Variants in KANK4 observed in about 807,000 individuals in gnomAD.
KANK4 encodes KN motif and ankyrin repeat domains 4, also known as KN motif and ankyrin repeat domain-containing protein 4.
KANK4 carries 50 observed loss-of-function variants against 80.8 expected under a neutral mutation model. The ratio of observed to expected loss-of-function variants is 0.62; its 90% CI spans 0.49 to 0.78. The LOEUF (loss-of-function observed/expected upper bound fraction) is 0.78. Ranked by LOEUF, KANK4 falls within the 30% of genes least tolerant of loss-of-function variation. The pLI is 0.00. For synonymous variants in KANK4, 465 were observed against 506.9 expected, an observed-to-expected ratio of 0.92 and a Z score of 1.11; for missense variants, 1,196 against 1,240.1, an observed-to-expected ratio of 0.96 and a Z score of 0.53.
intron 3 of KANK4, chr1:62,272,013 G>A (rs1672174845): frequency 5.9e-6 from 1 of 170,112 alleles, no homozygotes; most frequent in African/African-American, 2.4e-5. Flanking sequence ...CACTAGGGTT[G>A]TGGGGGTGGT....
chr1:62,283,563 G>A (rs1270083918), intron 1 of KANK4, among the ~76,000 whole-genome samples: 3 of 152,164 alleles, frequency 2.0e-5, no homozygotes, highest in African/African-American at 7.2e-5. Context: ...AATTCCCCCT[G>A]TGAGGGGAAA....
chr1:62,247,195 A>T (rs1671486218), intron 9 of KANK4, among the ~76,000 whole-genome samples: 1 of 151,742 alleles, frequency 6.6e-6, no homozygotes, highest in African/African-American at 2.4e-5. Flanking sequence ...TGAGCCTCTT[A>T]TTTAAATCCC....
intron 8 of KANK4, among the ~76,000 whole-genome samples, chr1:62,251,922 G>A (rs1671629907): frequency 6.6e-6 from 1 of 151,378 alleles, no homozygotes; most frequent in Non-Finnish European, 1.5e-5. Context: ...AACCCAGGAG[G>A]TGGAGGTTGC....
rs138457429 is a variant in KANK4, at chr1:62,283,703, C to T, written c.-70-2069G>A. On this transcript the variant is annotated intron_variant, in intron 1 of 9. Coordinates refer to ENST00000371153, the MANE Select transcript of KANK4 (RefSeq NM_181712.5). ...CTCTGCTTCTCCAAGGCTGGAGAAG[C>T]TCCTACTGCAGAGGAGGGGGCCACT... is the stretch of plus-strand genomic sequence containing the variant. Among the ~76,000 whole-genome samples the T allele has an allele frequency of 1.0e-3, 156 of 152,296 alleles. 1 individual carries two copies. The highest frequency in any genetic ancestry group is 3.6e-3 in the African/African-American group (148 of 41,548).
At chr1:62,266,628 C>T in intron 6 of KANK4, 104 bp downstream of exon 6, 1 of 750,932 alleles carries the variant, frequency 1.3e-6, no homozygotes, top group South Asian at 1.6e-5. Flanking sequence ...CACACTCACA[C>T]CACTGCCTGC....
intron 1 of KANK4, among the ~76,000 whole-genome samples, chr1:62,301,734 A>G (rs1260327625): frequency 6.6e-6 from 1 of 152,068 alleles, no homozygotes; most frequent in African/African-American, 2.4e-5. Flanking sequence ...ACACAGATGA[A>G]TTGGGATGAG....
rs1557486594 is a variant in KANK4 at position 62,271,500 on chromosome 1, G to C, written c.1990C>G (p.Gln664Glu). ...AGGNGTKKNL[Q>E]FVGVNGGYET... is the part of the protein sequence containing the mutation. ...TACCCACCGTTAACCCCAACAAACT[G>C]AAGGTTCTTTTTGGTCCCATTACCT... Residue 664 changes from glutamine (Q) to glutamate (E), a missense_variant, in exon 4 of 10, where the codon CAG (glutamine) becomes GAG (glutamate). Around this residue, in one of 3 missense-constraint regions of KANK4, gnomAD observed 1,154 missense variants for 1,179.6 expected, o/e 0.98. Coordinates refer to ENST00000371153, the MANE Select transcript of KANK4 (RefSeq NM_181712.5). 6.2e-7 allele frequency: 1 copy of C among 1,613,588 alleles called. No homozygotes were observed. Among genetic ancestry groups the C allele is most frequent in the Non-Finnish European group, 8.5e-7 (1 of 1,179,492 alleles).
rs760290798 is a variant in KANK4 at position 62,271,481 on chromosome 1, C to A, written c.2009G>T (p.Gly670Val). Residue 670 changes from glycine (G) to valine (V), a missense_variant, in exon 4 of 10, where the codon GGT (glycine) becomes GTT (valine). Transcript: ENST00000371153. ...GAGCTTCACAAGCGATGCTTACCCA[C>A]CGTTAACCCCAACAAACTGAAGGTT... ...KKNLQFVGVN[G>V]GYETTSSEET... The A allele has an allele frequency of 6.2e-7, 1 of 1,607,970 alleles. No homozygotes were observed.
chr1:62,236,527 A>T lies in KANK4; in HGVS notation c.*1750T>A, dbSNP rs1034260633. On this transcript the variant is annotated 3_prime_UTR_variant, in exon 10 of 10. Transcript: ENST00000371153. ...TCTGGGACTCTGAGCCTCTCTTATG[A>T]ATCACAATGGCAAAAGAAGTTTGCT... Among the ~76,000 whole-genome samples the T allele has an allele frequency of 6.6e-5, 10 of 151,882 alleles. No homozygotes were observed. The highest frequency in any genetic ancestry group is 6.6e-4 in the Admixed American group (10 of 15,238).
rs150895096 is a variant in KANK4, at chr1:62,266,685, C to A, written c.2319+47G>T. On this transcript the variant is annotated intron_variant, in intron 6 of 9. Coordinates refer to ENST00000371153, the MANE Select transcript of KANK4 (RefSeq NM_181712.5). ...AAAGTCACCCTGGCAGAGCTAACGT[C>A]TTAAACAGAAGGGAAATCTTTACAT... 6.0e-3 allele frequency: 8,117 copies of A among 1,342,440 alleles called. 449 individuals are homozygous for A. The Admixed American group carries it at 0.11, about 18-fold the overall frequency. The allele number at this position is 1,342,440 out of a possible 1,614,324, so 83.2% of individuals were successfully genotyped here.
chr1:62,246,179 GGTTACTATTGTTACTGATTA>G (rs1671461379), intron 9 of KANK4, among the ~76,000 whole-genome samples: 1 of 152,110 alleles, frequency 6.6e-6, no homozygotes, highest in Non-Finnish European at 1.5e-5. Flanking sequence ...CATGTGTGTT[GGTTACTATTGTTACTGATTA>G]GTTACTATTG....
At chr1:62,258,875 C>T (rs113560042) in intron 7 of KANK4, among the ~76,000 whole-genome samples, 3,019 of 152,148 alleles carry the variant, frequency 0.02, 100 homozygotes, top group African/African-American at 0.069. Flanking sequence ...ACTTGAATGA[C>T]GAGAAGGAGC....
chr1:62,297,815 C>A (rs2149164587), intron 1 of KANK4, among the ~76,000 whole-genome samples: 1 of 152,264 alleles, frequency 6.6e-6, no homozygotes, highest in East Asian at 1.9e-4. Flanking sequence ...TCCAAGGAGT[C>A]TTGAGGTGTT....
At chr1:62,301,211 T>C (rs1644409099) in intron 1 of KANK4, among the ~76,000 whole-genome samples, 1 of 152,034 alleles carries the variant, frequency 6.6e-6, no homozygotes, top group Non-Finnish European at 1.5e-5. Context: ...CTCCTGCAAT[T>C]ACCGAGTTCA....
intron 4 of KANK4, among the ~76,000 whole-genome samples, chr1:62,270,389 T>TC (rs1557485749): frequency 6.6e-6 from 1 of 151,286 alleles, no homozygotes; most frequent in African/African-American, 2.4e-5. Context: ...TGCTTTGCTT[T>TC]TTTTTTTTTT....
At chr1:62,245,828 G>C (rs1211379366) in intron 9 of KANK4, among the ~76,000 whole-genome samples, 2 of 152,150 alleles carry the variant, frequency 1.3e-5, no homozygotes, top group Non-Finnish European at 2.9e-5. Flanking sequence ...ACTTACTGTT[G>C]ACTTACCTCC....
At chr1:62,254,569 T>G (rs1671705316) in intron 7 of KANK4, among the ~76,000 whole-genome samples, 2 of 144,498 alleles carry the variant, frequency 1.4e-5, no homozygotes, top group South Asian at 2.2e-4. Context: ...TTTTTTGTTT[T>G]TTTTTTCAGA....
chr1:62,269,104 G>A (rs1451190109), intron 4 of KANK4, among the ~76,000 whole-genome samples: 1 of 152,248 alleles, frequency 6.6e-6, no homozygotes, highest in Non-Finnish European at 1.5e-5. Flanking sequence ...CAGCCTGTTT[G>A]AACTATTGCT....
intron 1 of KANK4, among the ~76,000 whole-genome samples, chr1:62,290,771 G>T (rs11805988): frequency 0.043 from 6,524 of 150,148 alleles, 451 homozygotes; most frequent in African/African-American, 0.15. Flanking sequence ...TTGAGATGGA[G>T]TCTCACTCTG....
Sources: gnomAD v4.1 joint callset for allele counts (sites outside exome capture counted in the v4.1 genomes callset) on GRCh38, gnomAD v4.1.1 for gene constraint, gnomAD v4.1.1 regional missense constraint, MANE v1.5 for transcripts, NCBI Gene and HGNC (gene_info 2026-07-23, HGNC 2026-07-21) for gene names.